The following AGAP1 variants were observed in gnomAD, a reference collection of about 807,000 sequenced individuals.
AGAP1 encodes the protein arf-GAP with GTPase, ANK repeat and PH domain-containing protein 1.
A neutral mutation model predicts 105.3 loss-of-function variants in AGAP1; 29 were observed. That is an observed-to-expected ratio of 0.28 (90% CI 0.21 to 0.38). AGAP1 has a LOEUF of 0.38. Among genes scored for constraint, AGAP1 ranks in the 10% least tolerant of loss-of-function variants. The pLI is 1.00. For missense variants in AGAP1, 998 were observed against 1,165.1 expected, an observed-to-expected ratio of 0.86 and a Z score of 2.09; for synonymous variants, 509 against 485.9, an observed-to-expected ratio of 1.05 and a Z score of -0.63.
At position 235,580,799 on chromosome 2, in the gene AGAP1, A is replaced by G. The variant is rs1257840599; in HGVS notation, c.163+85950A>G. Among the ~76,000 whole-genome samples, 3 of 152,124 alleles carry G rather than the reference A, an allele frequency of 2.0e-5. No individual in the cohort carries two copies. In the South Asian group the frequency reaches 6.2e-4, roughly 32 times the overall value. ...AGCTTGAGTTCAAGGTGGAAAGAGAAAAAAATCTAGAGAGGATGTTATCTG... is the reference window on the plus strand; with the variant it reads ...AGCTTGAGTTCAAGGTGGAAAGAGAGAAAAATCTAGAGAGGATGTTATCTG... On this transcript the variant is annotated intron_variant, in intron 1 of 17. Transcript: ENST00000304032.
chr2:235,715,866 G>A (rs562678599), intron 2 of AGAP1, among the ~76,000 whole-genome samples: 101 of 152,246 alleles, frequency 6.6e-4, no homozygotes, highest in African/African-American at 2.4e-3. Context: ...CCAGCTTTCT[G>A]GCTTGAGAGG....
In AGAP1 at chr2:235,692,700, G is replaced by A. The variant is rs554344835; in HGVS notation, c.164-16479G>A. ...GAAGCCGATGACTGACGTGCACCCCGCCAGCCTCCCTGCTTATCCTTCCCT... is the reference window on the plus strand; with the variant it reads ...GAAGCCGATGACTGACGTGCACCCCACCAGCCTCCCTGCTTATCCTTCCCT... On this transcript the variant is annotated intron_variant, in intron 1 of 17. Coordinates refer to ENST00000304032, the MANE Select transcript of AGAP1 (RefSeq NM_001037131.3). This position sits in a 1 kb window ranked among gnomAD's most constrained non-coding sequence, Gnocchi z 5.8. Among the ~76,000 whole-genome samples the A allele has an allele frequency of 5.3e-5, 8 of 152,016 alleles. No individual in the cohort carries two copies. Among genetic ancestry groups the A allele is most frequent in the Non-Finnish European group, 1.0e-4 (7 of 68,016 alleles).
At position 235,842,517 on chromosome 2, in the gene AGAP1, A is replaced by G. The variant is rs1037263783; in HGVS notation, c.1050+35186A>G. Reference sequence around the variant, plus strand: ...AAAGCAGTGTGCTTATTACCCAGCCACAGGCGTTGCTTATATTTTGGTGAC... The same window carrying G: ...AAAGCAGTGTGCTTATTACCCAGCCGCAGGCGTTGCTTATATTTTGGTGAC... On this transcript the variant is annotated intron_variant, in intron 9 of 17. Transcript: ENST00000304032. The surrounding 1 kb of genome is among the most constrained non-coding windows in gnomAD (Gnocchi z 5.3). Among the ~76,000 whole-genome samples the G allele has an allele frequency of 3.9e-5, 6 of 152,200 alleles. No individual in the cohort carries two copies. The highest frequency in any genetic ancestry group is 3.9e-4 in the East Asian group (2 of 5,192).
At chr2:235,849,930 T>C (rs1207914243) in intron 9 of AGAP1, among the ~76,000 whole-genome samples, 2 of 152,138 alleles carry the variant, frequency 1.3e-5, no homozygotes, top group African/African-American at 4.8e-5. Flanking sequence ...CGACTCTTTC[T>C]TGGTCCTGCC....
chr2:235,730,138 A>G (rs1951862016), intron 3 of AGAP1, among the ~76,000 whole-genome samples: 1 of 152,114 alleles, frequency 6.6e-6, no homozygotes, highest in African/African-American at 2.4e-5. Context: ...TTACATACTC[A>G]CTTCCTGAAT....
chr2:235,753,894 A>G lies in AGAP1; in HGVS notation c.673+3406A>G, dbSNP rs1360920573. ...ATGGTATATGGTTTCTTATTTGTATATGTATTTTCATGTAAATCACAAACA... is the reference window on the plus strand; with the variant it reads ...ATGGTATATGGTTTCTTATTTGTATGTGTATTTTCATGTAAATCACAAACA... On this transcript the variant is annotated intron_variant, in intron 6 of 17. Coordinates refer to ENST00000304032, the MANE Select transcript of AGAP1 (RefSeq NM_001037131.3). The surrounding 1 kb of genome is among the most constrained non-coding windows in gnomAD (Gnocchi z 4.5). 6.6e-6 allele frequency among the ~76,000 whole-genome samples: 1 copy of G among 152,168 alleles called. No homozygotes were observed. Among genetic ancestry groups the G allele is most frequent in the Non-Finnish European group, 1.5e-5 (1 of 68,018 alleles).
Position 235,569,337 on chromosome 2 carries a change from G to A in AGAP1, c.163+74488G>A, listed in dbSNP as rs991806212. Reference sequence around the variant, plus strand: ...CTCAAAAAAAAGGATCTTGGAGGAAGTACATGACCCCGAGTGGGTGCCTCT... The same window carrying A: ...CTCAAAAAAAAGGATCTTGGAGGAAATACATGACCCCGAGTGGGTGCCTCT... On this transcript the variant is annotated intron_variant, in intron 1 of 17. Transcript: ENST00000304032. This position sits in a 1 kb window ranked among gnomAD's most constrained non-coding sequence, Gnocchi z 5.9. Among the ~76,000 whole-genome samples, 18 of 152,218 alleles carry A rather than the reference G, an allele frequency of 1.2e-4. 1 individual carries two copies. Among genetic ancestry groups the A allele is most frequent in the African/African-American group, 3.1e-4 (13 of 41,550 alleles).
In AGAP1 at chr2:235,719,675, C is replaced by A. The variant is rs905801187; in HGVS notation, c.310+2031C>A. 6.6e-6 allele frequency among the ~76,000 whole-genome samples: 1 copy of A among 152,198 alleles called. No individual in the cohort carries two copies. The highest frequency in any genetic ancestry group is 2.4e-5 in the African/African-American group (1 of 41,444). ...GAAGTAGCTCATCCCCTCCATGGGG[C>A]CCCATGCCCAAGGCTTCCTGGGTCA... is the stretch of plus-strand genomic sequence containing the variant. On this transcript the variant is annotated intron_variant, in intron 3 of 17. Coordinates refer to ENST00000304032, the MANE Select transcript of AGAP1 (RefSeq NM_001037131.3). This position sits in a 1 kb window ranked among gnomAD's most constrained non-coding sequence, Gnocchi z 4.9.
chr2:236,068,663 G>A (rs1347585658), intron 16 of AGAP1, among the ~76,000 whole-genome samples: 3 of 149,762 alleles, frequency 2.0e-5, no homozygotes, highest in African/African-American at 7.4e-5. Context: ...AGCCGGGCGT[G>A]GTGGCGGGCG....
intron 2 of AGAP1, 62 bp from the exon 3 acceptor site, chr2:235,717,495 A>G: frequency 7.0e-7 from 1 of 1,436,574 alleles, no homozygotes; most frequent in African/African-American, 1.4e-5. Flanking sequence ...GCCTCTTAGT[A>G]TTTGCAAAAT....
intron 12 of AGAP1, among the ~76,000 whole-genome samples, chr2:235,941,848 T>C (rs1198633760): frequency 1.1e-5 from 1 of 91,792 alleles, no homozygotes; most frequent in Non-Finnish European, 2.1e-5. Context: ...AGCTTTGTTG[T>C]TGGGGGGGTA....
In AGAP1 at chr2:235,721,437, CAA is replaced by C. The variant is rs1227679457; in HGVS notation, c.310+3795_310+3796del. On this transcript the variant is annotated intron_variant, in intron 3 of 17. Coordinates refer to ENST00000304032, the MANE Select transcript of AGAP1 (RefSeq NM_001037131.3). This position sits in a 1 kb window ranked among gnomAD's most constrained non-coding sequence, Gnocchi z 4.5. ...GAACTTGTGATTCCATGAAATCAGTCAAAGAGTAAACCTCTTGGATTGACAGA... is the reference window on the plus strand; with the variant it reads ...GAACTTGTGATTCCATGAAATCAGTCAGAGTAAACCTCTTGGATTGACAGA... Among the ~76,000 whole-genome samples, 2 of 152,082 alleles carry C rather than the reference CAA, an allele frequency of 1.3e-5. No individual in the cohort carries two copies. The highest frequency in any genetic ancestry group is 4.8e-5 in the African/African-American group (2 of 41,394).
In AGAP1 at chr2:235,720,634, T is replaced by C; in HGVS notation, c.310+2990T>C. On this transcript the variant is annotated intron_variant, in intron 3 of 17. Coordinates refer to ENST00000304032, the MANE Select transcript of AGAP1 (RefSeq NM_001037131.3). This position sits in a 1 kb window ranked among gnomAD's most constrained non-coding sequence, Gnocchi z 5.0. ...TTTGAATGAAAGGCATTTTGCTGTG[T>C]ATCTGCCTGTCCAGATAGTTCCTTG... is the stretch of plus-strand genomic sequence containing the variant. The C allele has an allele frequency of 1.0e-6, 1 of 982,960 alleles. No homozygotes were observed. The allele number at this position is 982,960 out of a possible 1,614,324, so 60.9% of individuals were successfully genotyped here. A position where few individuals can be genotyped will look rare whatever the true frequency, so the allele number is the denominator to read the frequency against.
In AGAP1 at chr2:235,919,647, G is replaced by T. The variant is rs1328868716; in HGVS notation, c.1324+10741G>T. Among the ~76,000 whole-genome samples, 1 of 152,170 alleles carries T rather than the reference G, an allele frequency of 6.6e-6. No individual in the cohort carries two copies. Among genetic ancestry groups the T allele is most frequent in the Non-Finnish European group, 1.5e-5 (1 of 68,034 alleles). On this transcript the variant is annotated intron_variant, in intron 11 of 17. Coordinates refer to ENST00000304032, the MANE Select transcript of AGAP1 (RefSeq NM_001037131.3). The surrounding 1 kb of genome is among the most constrained non-coding windows in gnomAD (Gnocchi z 4.1). ...CTGGAAGGGGACTGTAAAATTCAGA[G>T]ATGACCGGGGAACGCTCCCCTCAAA...
rs1463608139 is a variant in AGAP1 at position 235,971,474 on chromosome 2, G to A, written c.1645+2851G>A. 1.3e-5 allele frequency among the ~76,000 whole-genome samples: 2 copies of A among 152,180 alleles called. No homozygotes were observed. Among genetic ancestry groups the A allele is most frequent in the East Asian group, 3.9e-4 (2 of 5,176 alleles). ...CCAGCACTTTGGGAGGCTGAGGCGGGCGGATCACGAGGTCAGGAGATCGAG... is the reference window on the plus strand; with the variant it reads ...CCAGCACTTTGGGAGGCTGAGGCGGACGGATCACGAGGTCAGGAGATCGAG... On this transcript the variant is annotated intron_variant, in intron 13 of 17. Transcript: ENST00000304032. This position sits in a 1 kb window ranked among gnomAD's most constrained non-coding sequence, Gnocchi z 4.8.
chr2:235,911,488 A>G (rs1052641792), intron 11 of AGAP1, among the ~76,000 whole-genome samples: 7 of 152,360 alleles, frequency 4.6e-5, no homozygotes, highest in East Asian at 1.9e-4. Context: ...AGCGTTCACT[A>G]TGTAAAAGTA....
chr2:235,936,855 C>A lies in AGAP1; in HGVS notation c.1483+5932C>A, dbSNP rs927083315. Reference sequence around the variant, plus strand: ...CTGAGCTTCCAAAAGGCTGAGAAACCAAGACCATACTTATCATTATTAGCC... The same window carrying A: ...CTGAGCTTCCAAAAGGCTGAGAAACAAAGACCATACTTATCATTATTAGCC... On this transcript the variant is annotated intron_variant, in intron 12 of 17. Transcript: ENST00000304032. The surrounding 1 kb of genome is among the most constrained non-coding windows in gnomAD (Gnocchi z 4.7). 2.0e-5 allele frequency among the ~76,000 whole-genome samples: 3 copies of A among 152,068 alleles called. No individual in the cohort carries two copies. Among genetic ancestry groups the A allele is most frequent in the African/African-American group, 7.2e-5 (3 of 41,386 alleles).
chr2:235,546,663 T>C (rs981417749), intron 1 of AGAP1, among the ~76,000 whole-genome samples: 1 of 152,012 alleles, frequency 6.6e-6, no homozygotes, highest in Admixed American at 6.6e-5. Flanking sequence ...GGGGGCATCA[T>C]TGGGAGTGAT....
At position 235,541,451 on chromosome 2, in the gene AGAP1, G is replaced by A. The variant is rs553820946; in HGVS notation, c.163+46602G>A. On this transcript the variant is annotated intron_variant, in intron 1 of 17. Transcript: ENST00000304032. ...CGCCCAGGCTGGAGTGCAGTGGCGC[G>A]ATCTCGGCTCACTGCAAGCTCCACC... Among the ~76,000 whole-genome samples the A allele has an allele frequency of 4.5e-3, 602 of 134,918 alleles. 3 individuals carry two copies. Among genetic ancestry groups the A allele is most frequent in the African/African-American group, 0.016 (551 of 35,226 alleles). 88.5% of individuals were successfully genotyped at this position (134,918 alleles called of 152,430 possible). A position where few individuals can be genotyped will look rare whatever the true frequency, so the allele number is the denominator to read the frequency against.
Sources: allele counts gnomAD v4.1 joint callset (sites outside exome capture counted in the v4.1 genomes callset), GRCh38; gene constraint gnomAD v4.1.1; non-coding constraint Gnocchi (gnomAD v3.1); transcripts MANE v1.5; gene names NCBI Gene and HGNC (gene_info 2026-07-23, HGNC 2026-07-21).